The following PDE1C variants were observed in gnomAD, a reference collection of about 807,000 sequenced individuals.
PDE1C encodes the protein dual specificity calcium/calmodulin-dependent 3',5'-cyclic nucleotide phosphodiesterase 1C.
Under a neutral mutation model 93.1 loss-of-function variants are expected in PDE1C, and 62 were observed. The ratio of observed to expected loss-of-function variants is 0.67; its 90% CI spans 0.54 to 0.82. The LOEUF (loss-of-function observed/expected upper bound fraction) is 0.82. Among genes scored for constraint, PDE1C ranks in the 40% least tolerant of loss-of-function variants. The probability of loss-of-function intolerance (pLI) is 0.00; values close to 1 mark genes in which losing one functional copy is unlikely to be tolerated. For synonymous variants in PDE1C, 325 were observed against 310.1 expected (o/e 1.05, Z -0.50); for missense variants, 742 against 884.6 (o/e 0.84, Z 2.04).
intron 1 of PDE1C, among the ~76,000 whole-genome samples, chr7:32,211,179 T>A (rs10271511): frequency 0.071 from 10,808 of 152,056 alleles, 1,334 homozygotes; most frequent in African/African-American, 0.25. Context: ...ACTACACTCC[T>A]GCCTGGGAGA....
At chr7:32,065,556 C>T (rs553814797) in intron 1 of PDE1C, among the ~76,000 whole-genome samples, 1 of 152,140 alleles carries the variant, frequency 6.6e-6, no homozygotes, top group African/African-American at 2.4e-5. Context: ...CTTCAAATTG[C>T]TGAAAGTTAA....
chr7:32,090,958 A>G (rs1188188253), intron 3 of PDE1C, among the ~76,000 whole-genome samples: 1 of 152,236 alleles, frequency 6.6e-6, no homozygotes, highest in African/African-American at 2.4e-5. Context: ...TAACAGAGAT[A>G]TATTCAAGTT....
intron 1 of PDE1C, among the ~76,000 whole-genome samples, chr7:32,327,079 C>A (rs2128075453): frequency 6.6e-6 from 1 of 152,170 alleles, no homozygotes; most frequent in East Asian, 1.9e-4. Context: ...CACATATGCA[C>A]ACGAGCACAC....
intron 2 of PDE1C, among the ~76,000 whole-genome samples, chr7:31,897,308 C>T (rs1799437466): frequency 6.6e-6 from 1 of 152,136 alleles, no homozygotes; most frequent in Non-Finnish European, 1.5e-5. Context: ...GTTTTTTTGT[C>T]ACGCAAGGAA....
At chr7:32,316,499 A>G (rs1318076462) in intron 1 of PDE1C, among the ~76,000 whole-genome samples, 1 of 152,240 alleles carries the variant, frequency 6.6e-6, no homozygotes, top group African/African-American at 2.4e-5. Flanking sequence ...AATATTTGGC[A>G]TAATCACCAT....
chr7:32,114,716 C>A (rs1798886560), intron 3 of PDE1C, among the ~76,000 whole-genome samples: 1 of 152,160 alleles, frequency 6.6e-6, no homozygotes, highest in South Asian at 2.1e-4. Flanking sequence ...ATCTACCCAC[C>A]TGACAAAGGT....
the PDE1C span, among the ~76,000 whole-genome samples, chr7:31,743,207 T>C: frequency 6.6e-6 from 1 of 152,238 alleles, no homozygotes; most frequent in African/African-American, 2.4e-5. Context: ...TTGTAAAAAC[T>C]ATTTTCATTA....
chr7:31,969,596 G>A lies in PDE1C; in HGVS notation c.128+81958C>T, dbSNP rs573728150. ...GAAGTCAGTGTGGCGATTCCTCAGG[G>A]ATCTGGAACTAGAAATACCATTTGA... On this transcript the variant is annotated intron_variant, in intron 2 of 17. Coordinates refer to ENST00000396191, the MANE Select transcript of PDE1C (RefSeq NM_001191057.4). Among the ~76,000 whole-genome samples the A allele has an allele frequency of 1.2e-3, 185 of 152,264 alleles. 1 individual carries two copies. Among genetic ancestry groups the A allele is most frequent in the African/African-American group, 4.3e-3 (179 of 41,544 alleles).
intron 1 of PDE1C, among the ~76,000 whole-genome samples, chr7:32,426,380 C>A (rs964415074): frequency 6.6e-6 from 1 of 151,492 alleles, no homozygotes; most frequent in East Asian, 1.9e-4. Context: ...ATTAAGCTAT[C>A]CTACTGCCTC....
chr7:32,190,565 A>G (rs917454), intron 2 of PDE1C, among the ~76,000 whole-genome samples: 83,232 of 152,062 alleles, frequency 0.55, 22,896 homozygotes, highest in Admixed American at 0.64. Context: ...ACTGAGTATG[A>G]ATCTCTAAGA....
At chr7:31,762,816 C>T (rs1794917238) in intron 17 of PDE1C, among the ~76,000 whole-genome samples, 1 of 152,164 alleles carries the variant, frequency 6.6e-6, no homozygotes, top group African/African-American at 2.4e-5. Flanking sequence ...CTGTCTGAAC[C>T]AAACGGCCAC....
Position 32,225,181 on chromosome 7 carries a change from C to T in PDE1C, c.86-15642G>A, listed in dbSNP as rs564021883. Among the ~76,000 whole-genome samples, 3 of 152,324 alleles carry T rather than the reference C, an allele frequency of 2.0e-5. No individual in the cohort carries two copies. The East Asian group carries it at 5.8e-4, about 29-fold the overall frequency. On this transcript the variant is annotated intron_variant, in intron 1 of 18. Coordinates refer to the PDE1C transcript ENST00000396193. ...TGGATTTGTTAAACTTCCACAGTGT[C>T]CCCTCTAAGACACTGAATGACGTTA... is the stretch of plus-strand genomic sequence containing the variant.
intron 2 of PDE1C, among the ~76,000 whole-genome samples, chr7:32,022,963 CTTT>C (rs113917693): frequency 1.4e-5 from 2 of 144,540 alleles, no homozygotes. Context: ...CCTTCTATTT[CTTT>C]TTTTTTTTTT....
intron 2 of PDE1C, among the ~76,000 whole-genome samples, chr7:31,944,082 C>T (rs183090837): frequency 6.6e-6 from 1 of 152,244 alleles, no homozygotes; most frequent in Admixed American, 6.5e-5. Context: ...CCAAGACCAA[C>T]AGCCTCCCCT....
chr7:31,789,174 C>T (rs937463226), intron 16 of PDE1C: 1 of 152,138 alleles, frequency 6.6e-6, no homozygotes, highest in African/African-American at 2.4e-5. Flanking sequence ...ATCATTTAGA[C>T]TCATAAAATC....
chr7:32,233,743 A>T (rs1362652661), intron 1 of PDE1C, among the ~76,000 whole-genome samples: 1 of 152,130 alleles, frequency 6.6e-6, no homozygotes, highest in East Asian at 1.9e-4. Context: ...TGGAGACTTC[A>T]ACAGTTATCT....
intron 2 of PDE1C, among the ~76,000 whole-genome samples, chr7:31,885,426 T>A (rs1029202450): frequency 6.6e-6 from 1 of 152,240 alleles, no homozygotes; most frequent in Non-Finnish European, 1.5e-5. Context: ...TCATTGTGGA[T>A]GAGCCATTGC....
intron 1 of PDE1C, among the ~76,000 whole-genome samples, chr7:32,232,620 T>C (rs1285205477): frequency 1.3e-5 from 2 of 152,022 alleles, no homozygotes; most frequent in African/African-American, 4.8e-5. Flanking sequence ...AGGGACATGG[T>C]GGAAAGGGAG....
chr7:32,201,540 G>A (rs1329144631), intron 2 of PDE1C, among the ~76,000 whole-genome samples: 1 of 152,216 alleles, frequency 6.6e-6, no homozygotes, highest in Non-Finnish European at 1.5e-5. Flanking sequence ...GGAGTAGGAC[G>A]TGAGATGCTG....
Sources: gnomAD v4.1 joint callset for allele counts (sites outside exome capture counted in the v4.1 genomes callset) on GRCh38, gnomAD v4.1.1 for gene constraint, MANE v1.5 for transcripts, NCBI Gene and HGNC (gene_info 2026-07-23, HGNC 2026-07-21) for gene names.